The following FN1 variants were observed in gnomAD, a reference collection of about 807,000 sequenced individuals.
FN1 encodes fibronectin.
In FN1, 106 loss-of-function variants were observed where a neutral mutation model predicts 297.3. The observed-to-expected ratio is 0.36, with a 90% CI of 0.30 to 0.42. FN1 has a LOEUF of 0.42. FN1 is among the 10% of genes least tolerant of loss of function. FN1 has a pLI of 1.00. For synonymous variants in FN1, 1,149 were observed against 1,152.6 expected (o/e 1.00, Z 0.06); for missense variants, 2,690 against 3,124.9 (o/e 0.86, Z 3.32).
chr2:215,419,038 C>G (rs2063824418), intron 12 of FN1, among the ~76,000 whole-genome samples: 1 of 152,176 alleles, frequency 6.6e-6, no homozygotes, highest in African/African-American at 2.4e-5. Context: ...GGCACATTTT[C>G]ATAGCCTTCT....
At position 215,425,290 on chromosome 2, in the gene FN1, T is replaced by A. The variant is rs1469933986; in HGVS notation, c.845-5A>T. ...CATCGGTGAAGGGGCCAGATCCTAATGGCATGAAAAGGGAATGTCACAAAA... is the reference window on the plus strand; with the variant it reads ...CATCGGTGAAGGGGCCAGATCCTAAAGGCATGAAAAGGGAATGTCACAAAA... On this transcript the variant is annotated splice_region_variant and splice_polypyrimidine_tract_variant and intron_variant, in intron 6 of 45. Coordinates refer to ENST00000354785, the MANE Select transcript of FN1 (RefSeq NM_212482.4). The A allele has an allele frequency of 2.5e-6, 4 of 1,613,840 alleles. No individual in the cohort carries two copies. Among genetic ancestry groups the A allele is most frequent in the Non-Finnish European group, 3.4e-6 (4 of 1,179,958 alleles).
intron 10 of FN1, chr2:215,421,126 G>T: frequency 3.0e-6 from 1 of 338,290 alleles, no homozygotes; most frequent in South Asian, 2.6e-5. Flanking sequence ...AAAATTTCTT[G>T]CTTAGTTGAT....
intron 28 of FN1, among the ~76,000 whole-genome samples, chr2:215,385,778 CTTTTTT>C (rs200573591): frequency 1.7e-5 from 2 of 120,402 alleles, no homozygotes; most frequent in Non-Finnish European, 3.5e-5. Flanking sequence ...AGTTTTCCAC[CTTTTTT>C]TTTTTTTTTT....
chr2:215,382,217 A>G lies in FN1; in HGVS notation c.5159T>C (p.Val1720Ala). The G allele has an allele frequency of 6.2e-7, 1 of 1,606,060 alleles. No individual in the cohort carries two copies. The highest frequency in any genetic ancestry group is 2.2e-5 in the East Asian group (1 of 44,824). Reference protein sequence around the residue: ...GESQPLVQTAVTNIDRPKGLA... With the variant: ...GESQPLVQTAATNIDRPKGLA... ...ACCAAGCAGTGGTTACGTACTGGTTACTGCAGTCTGAACCAGAGGCTGACT... is the reference window on the plus strand; with the variant it reads ...ACCAAGCAGTGGTTACGTACTGGTTGCTGCAGTCTGAACCAGAGGCTGACT... The change falls in exon 32 of 46, where the codon GTA (valine) becomes GCA (alanine). Residue 1720 changes from valine to alanine, a missense_variant. Val to Ala is a moderately conservative substitution (Grantham distance 64). Transcript: ENST00000354785.
intron 44 of FN1, chr2:215,363,323 C>T (rs1237092293): frequency 6.6e-6 from 1 of 152,264 alleles, no homozygotes; most frequent in Non-Finnish European, 1.5e-5. Flanking sequence ...CAATTTCATA[C>T]CAGAATGACT....
rs776166938 is a variant in FN1, at chr2:215,424,137, G to A, written c.1216+9C>T. ...TCTCACTTCTGTGGCTCCCCCTTGGGACACTCACCAGTGTGGTCTGTGCAG... is the reference window on the plus strand; with the variant it reads ...TCTCACTTCTGTGGCTCCCCCTTGGAACACTCACCAGTGTGGTCTGTGCAG... On this transcript the variant is annotated intron_variant, in intron 8 of 45. Transcript: ENST00000354785. 3 of 1,613,716 alleles carry A rather than the reference G, an allele frequency of 1.9e-6. No homozygotes were observed. The highest frequency in any genetic ancestry group is 1.7e-6 in the Non-Finnish European group (2 of 1,179,656).
At chr2:215,431,812 T>A in intron 4 of FN1, 21 bp downstream of exon 4, 1 of 1,613,846 alleles carries the variant, frequency 6.2e-7, no homozygotes, top group Non-Finnish European at 8.5e-7. Flanking sequence ...CAGCTCTTGC[T>A]CAGCCCTAAG....
At chr2:215,406,191 T>C in intron 19 of FN1, 47 bp downstream of exon 19, 1 of 1,592,126 alleles carries the variant, frequency 6.3e-7, no homozygotes, top group Non-Finnish European at 8.6e-7. Context: ...AGGCTGCAAG[T>C]GAGGGTGGAG....
rs775568530 is a variant in FN1 at position 215,414,965 on chromosome 2, A to G, written c.1820-7T>C. On this transcript the variant is annotated splice_region_variant and splice_polypyrimidine_tract_variant and intron_variant, in intron 12 of 45. Coordinates refer to ENST00000354785, the MANE Select transcript of FN1 (RefSeq NM_212482.4). Reference sequence around the variant, plus strand: ...TCGACAGGACCACTTGAGCCTGAAAATGAAAATGTAGCATTTAATTATCTT... The same window carrying G: ...TCGACAGGACCACTTGAGCCTGAAAGTGAAAATGTAGCATTTAATTATCTT... 4 of 1,611,430 alleles carry G rather than the reference A, an allele frequency of 2.5e-6. No homozygotes were observed. The South Asian group carries it at 4.4e-5, about 18-fold the overall frequency.
Position 215,420,764 on chromosome 2 carries a change from G to C in FN1, c.1584C>G (p.Asn528Lys), listed in dbSNP as rs528350304. Residue 528 changes from asparagine (N) to lysine (K), a missense_variant, in exon 11 of 46, where the codon AAC becomes AAG. Physicochemically the swap from Asn to Lys is moderately conservative, Grantham distance 94 (BLOSUM62 0). Around this residue, in one of 3 missense-constraint regions of FN1, gnomAD observed 876 missense variants for 1,058.1 expected, o/e 0.83. Transcript: ENST00000354785. ...CIVDDITYNVNDTFHKRHEEG... is the reference protein window; with the variant it reads ...CIVDDITYNVKDTFHKRHEEG... Reference sequence around the variant, plus strand: ...CTTCATGACGCTTGTGGAATGTGTCGTTCACATTGTAAGTGATGTCATCAA... The same window carrying C: ...CTTCATGACGCTTGTGGAATGTGTCCTTCACATTGTAAGTGATGTCATCAA... 9.3e-6 allele frequency: 15 copies of C among 1,613,338 alleles called. No homozygotes were observed. The highest frequency in any genetic ancestry group is 1.3e-5 in the Non-Finnish European group (15 of 1,179,472).
At position 215,409,751 on chromosome 2, in the gene FN1, C is replaced by A. The variant is rs368254040; in HGVS notation, c.2123-12G>T. 6.2e-7 allele frequency: 1 copy of A among 1,614,012 alleles called. No individual in the cohort carries two copies. The highest frequency in any genetic ancestry group is 1.1e-5 in the South Asian group (1 of 91,072). ...TGTCACGGTGTTGCCTAGAGAGTCA[C>A]AGAAAGGGGAAAGTCAGCCTTCAGT... On this transcript the variant is annotated splice_polypyrimidine_tract_variant and intron_variant, in intron 14 of 45. Coordinates refer to ENST00000354785, the MANE Select transcript of FN1 (RefSeq NM_212482.4).
chr2:215,397,231 G>C lies in FN1; in HGVS notation c.3518-8C>G. On this transcript the variant is annotated splice_region_variant and splice_polypyrimidine_tract_variant and intron_variant, in intron 22 of 45. Transcript: ENST00000354785. Reference sequence around the variant, plus strand: ...TTGTTGGTGGAGACAATGCTATGCAGAAAGAACATTTTAAAAGTCAAAGCT... The same window carrying C: ...TTGTTGGTGGAGACAATGCTATGCACAAAGAACATTTTAAAAGTCAAAGCT... 1 of 1,603,792 alleles carries C rather than the reference G, an allele frequency of 6.2e-7. No homozygotes were observed. Among genetic ancestry groups the C allele is most frequent in the Non-Finnish European group, 8.5e-7 (1 of 1,170,680 alleles).
Position 215,378,262 on chromosome 2 carries a change from C to T in FN1, c.5623G>A (p.Val1875Met), listed in dbSNP as rs140412041. 16 of 1,598,476 alleles carry T rather than the reference C, an allele frequency of 1.0e-5. No individual in the cohort carries two copies. The highest frequency in any genetic ancestry group is 1.4e-5 in the Non-Finnish European group (16 of 1,166,718). ...ACACTCACTTCATATTTGGTGGCCA[C>T]CTAGAGAAATAAGGGCATGGTGAGC... The part of the protein sequence containing the change: ...SSSVVVSGLM[V>M]ATKYEVSVYA... Residue 1875 changes from valine to methionine, a missense_variant and splice_region_variant, in exon 35 of 46, where the codon GTG becomes ATG. Val to Met is a conservative substitution (Grantham distance 21). Around this residue, in one of 3 missense-constraint regions of FN1, gnomAD observed 1,743 missense variants for 1,945.2 expected, o/e 0.90. Coordinates refer to ENST00000354785, the MANE Select transcript of FN1 (RefSeq NM_212482.4).
intron 15 of FN1, among the ~76,000 whole-genome samples, chr2:215,409,258 CT>C (rs1323857831): frequency 6.6e-6 from 1 of 152,152 alleles, no homozygotes; most frequent in Non-Finnish European, 1.5e-5. Flanking sequence ...ACATTGTCAG[CT>C]GCAGTCCTGG....
intron 30 of FN1, 126 bp from the exon 31 acceptor site, chr2:215,383,609 G>T: frequency 9.8e-7 from 1 of 1,021,960 alleles, no homozygotes; most frequent in Non-Finnish European, 1.5e-6. Flanking sequence ...ATTTCTTCTC[G>T]AAAGAATACA....
In FN1 at chr2:215,408,152, G is replaced by T. The variant is rs1402282869; in HGVS notation, c.2474C>A (p.Thr825Asn). 6.2e-7 allele frequency: 1 copy of T among 1,614,120 alleles called. No homozygotes were observed. Among genetic ancestry groups the T allele is most frequent in the South Asian group, 1.1e-5 (1 of 91,080 alleles). ...PDTTVDQVDDTSIVVRWSRPQ... is the reference protein window; with the variant it reads ...PDTTVDQVDDNSIVVRWSRPQ... ...TCTGCTCCAGCGAACAACAATTGAG[G>T]TGTCATCAACTTGGTCCACAGTCGT... The change falls in exon 17 of 46, where the codon ACC becomes AAC. Residue 825 changes from threonine (T) to asparagine (N), a missense_variant. Physicochemically the swap from Thr to Asn is moderately conservative, Grantham distance 65 (BLOSUM62 0). Around this residue, in one of 3 missense-constraint regions of FN1, gnomAD observed 876 missense variants for 1,058.1 expected, o/e 0.83. Coordinates refer to ENST00000354785, the MANE Select transcript of FN1 (RefSeq NM_212482.4).
At chr2:215,434,299 G>A (rs1293757800) in intron 2 of FN1, among the ~76,000 whole-genome samples, 1 of 152,164 alleles carries the variant, frequency 6.6e-6, no homozygotes, top group Non-Finnish European at 1.5e-5. Flanking sequence ...TGTGTTAACT[G>A]CCGCTGACAA....
chr2:215,412,063 G>T (rs749816153), intron 13 of FN1, among the ~76,000 whole-genome samples: 11 of 152,124 alleles, frequency 7.2e-5, no homozygotes, highest in Non-Finnish European at 1.5e-4. Flanking sequence ...AATTAATGAT[G>T]TAATAAGAAG....
chr2:215,403,464 A>G (rs999673504), intron 20 of FN1, among the ~76,000 whole-genome samples: 1 of 152,220 alleles, frequency 6.6e-6, no homozygotes, highest in Non-Finnish European at 1.5e-5. Context: ...GAAAGCTCTT[A>G]GAAAATTGCA....
Sources: gnomAD v4.1 joint callset for allele counts (sites outside exome capture counted in the v4.1 genomes callset) on GRCh38, gnomAD v4.1.1 for gene constraint, gnomAD v4.1.1 regional missense constraint, MANE v1.5 for transcripts, NCBI Gene and HGNC (gene_info 2026-07-23, HGNC 2026-07-21) for gene names.